TET1: variants seen among roughly 807,000 people sequenced by gnomAD.
TET1 encodes tet methylcytosine dioxygenase 1, also known as methylcytosine dioxygenase TET1.
In TET1, 13 loss-of-function variants were observed where a neutral mutation model predicts 148.7. That is an observed-to-expected ratio of 0.09 (90% confidence interval 0.06 to 0.14). The LOEUF is 0.14. Ranked by LOEUF, TET1 falls within the 10% of genes least tolerant of loss-of-function variation. The pLI, the probability that TET1 is intolerant of heterozygous loss-of-function variation, is 1.00. For missense variants in TET1, 2,182 were observed against 2,553.8 expected, an observed-to-expected ratio of 0.85 and a Z score of 3.14; for synonymous variants, 907 against 937.2, an observed-to-expected ratio of 0.97 and a Z score of 0.59.
In TET1 at chr10:68,686,574, G is replaced by A. The variant is rs2055513563; in HGVS notation, c.5271G>A (p.Lys1757=). The change falls in exon 11 of 12, where the codon AAG becomes AAA. Residue 1757 remains lysine, a synonymous_variant. Transcript: ENST00000373644. ...FTQPVPRSGK[K]RAAMMTEVLA... is the part of the protein sequence containing the mutation. ...AGCCTGTTCCCCGTTCTGGAAAGAA[G>A]AGGGCTGCGATGATGACAGAGGTTC... is the stretch of plus-strand genomic sequence containing the variant. 6.2e-7 allele frequency: 1 copy of A among 1,614,198 alleles called. No homozygotes were observed.
chr10:68,581,190 C>A (rs1049033762), intron 2 of TET1, among the ~76,000 whole-genome samples: 1 of 152,076 alleles, frequency 6.6e-6, no homozygotes, highest in African/African-American at 2.4e-5. Context: ...ATGTAATCTT[C>A]TGAGAGGTAT....
At chr10:68,588,076 G>A (rs186681033) in intron 2 of TET1, among the ~76,000 whole-genome samples, 108 of 152,060 alleles carry the variant, frequency 7.1e-4, no homozygotes, top group Admixed American at 1.7e-3. Context: ...TTGGTCAGGC[G>A]GGTCTTGAAC....
chr10:68,673,698 AC>A (rs1444950291), intron 8 of TET1, among the ~76,000 whole-genome samples: 1 of 152,044 alleles, frequency 6.6e-6, no homozygotes, highest in African/African-American at 2.4e-5. Flanking sequence ...ATATTGATTA[AC>A]TATAAGATTG....
chr10:68,631,311 C>T (rs913821824), intron 3 of TET1, among the ~76,000 whole-genome samples: 2 of 151,840 alleles, frequency 1.3e-5, no homozygotes, highest in African/African-American at 4.8e-5. Flanking sequence ...TGTAGTAGAT[C>T]GAAGAGTGCA....
At chr10:68,561,947 C>A (rs181561480) in intron 1 of TET1, among the ~76,000 whole-genome samples, 64 of 152,280 alleles carry the variant, frequency 4.2e-4, no homozygotes, top group African/African-American at 1.5e-3. Context: ...AATTAACCAA[C>A]CTTTCTGCAT....
chr10:68,606,884 C>T (rs1200148752), intron 3 of TET1, among the ~76,000 whole-genome samples: 1 of 152,186 alleles, frequency 6.6e-6, no homozygotes, highest in African/African-American at 2.4e-5. Context: ...CGTGTGCTCA[C>T]CCATCAGTGT....
At chr10:68,621,697 A>G (rs982576980) in intron 3 of TET1, among the ~76,000 whole-genome samples, 11 of 152,110 alleles carry the variant, frequency 7.2e-5, no homozygotes, top group Non-Finnish European at 1.5e-4. Flanking sequence ...TGCATTTTCA[A>G]TTTTTTTCTG....
At chr10:68,647,864 G>T (rs2054875252) in intron 4 of TET1, among the ~76,000 whole-genome samples, 1 of 152,126 alleles carries the variant, frequency 6.6e-6, no homozygotes, top group Non-Finnish European at 1.5e-5. Flanking sequence ...TCCAGTACAA[G>T]ATCTAATACT....
chr10:68,601,075 A>G (rs565395454), intron 3 of TET1, 41 bp downstream of exon 3: 1 of 1,542,244 alleles, frequency 6.5e-7, no homozygotes, highest in Admixed American at 2.0e-5. Context: ...TTATTTTTCC[A>G]TTTCATATAG....
Position 68,681,501 on chromosome 10 carries a change from A to G in TET1, c.4914+13A>G, listed in dbSNP as rs1366966535. The stretch of plus-strand genomic sequence containing the variant: ...TTACCAAAATCAGGTATGTATTGGT[A>G]TGAACTTTTTATTTATTTATTAATT... On this transcript the variant is annotated intron_variant, in intron 9 of 11. Coordinates refer to ENST00000373644, the MANE Select transcript of TET1 (RefSeq NM_030625.3). 6.3e-7 allele frequency: 1 copy of G among 1,574,966 alleles called. No homozygotes were observed.
intron 3 of TET1, among the ~76,000 whole-genome samples, chr10:68,606,172 C>G (rs199901553): frequency 6.6e-6 from 1 of 151,482 alleles, no homozygotes; most frequent in East Asian, 2.1e-4. Context: ...TTCAAGACCA[C>G]CCTGGCCAAC....
intron 2 of TET1, 140 bp from the exon 3 acceptor site, chr10:68,600,841 T>G: frequency 1.4e-6 from 1 of 696,026 alleles, no homozygotes. Context: ...CATAAGCTCT[T>G]TAGGTTCTGC....
chr10:68,664,304 T>C (rs2055163911), intron 6 of TET1, among the ~76,000 whole-genome samples: 1 of 152,204 alleles, frequency 6.6e-6, no homozygotes, highest in African/African-American at 2.4e-5. Flanking sequence ...GTATATATTA[T>C]GCCAAATATA....
At chr10:68,688,222 C>T (rs896577068) in intron 11 of TET1, among the ~76,000 whole-genome samples, 27 of 151,880 alleles carry the variant, frequency 1.8e-4, no homozygotes, top group African/African-American at 5.6e-4. Flanking sequence ...CTCAGCCTCC[C>T]GAGTAGCTGG....
intron 3 of TET1, among the ~76,000 whole-genome samples, chr10:68,624,646 TTCTTTCTTTCTTTCTCTCTCTCTCTCTC>T (rs1389618204): frequency 3.0e-4 from 16 of 54,058 alleles, no homozygotes; most frequent in East Asian, 2.2e-3. Flanking sequence ...CTTTCTTTCT[TTCTTTCTTTCTTTCTCTCTCTCTCTCTC>T]TCTCTCTCTC....
At chr10:68,624,670 C>CTTTCTTTCTTTCTTTCTTTCTTTTTT (rs2054442785) in intron 3 of TET1, among the ~76,000 whole-genome samples, 8 of 84,084 alleles carry the variant, frequency 9.5e-5, no homozygotes, top group African/African-American at 3.9e-4. Context: ...CTCTCTCTCT[C>CTTTCTTTCTTTCTTTCTTTCTTTTTT]TCTCTCTCTC....
At position 68,673,117 on chromosome 10, in the gene TET1, C is replaced by T. The variant is rs962741252; in HGVS notation, c.4824+72C>T. The stretch of plus-strand genomic sequence containing the variant: ...TGAATATGTAAGTGCATTCCTTTAA[C>T]ATTTTTTGAAACACTATAAAAACTA... On this transcript the variant is annotated intron_variant, in intron 8 of 11. Transcript: ENST00000373644. The T allele has an allele frequency of 3.7e-6, 5 of 1,358,826 alleles. No individual in the cohort carries two copies. The Admixed American group carries it at 1.1e-4, about 30-fold the overall frequency. 84.2% of individuals were successfully genotyped at this position (1,358,826 alleles called of 1,614,324 possible).
At chr10:68,580,313 A>ATTTT (rs1163318028) in intron 2 of TET1, among the ~76,000 whole-genome samples, 684 of 60,460 alleles carry the variant, frequency 0.011, 39 homozygotes, top group Middle Eastern at 0.022. Flanking sequence ...ATTATATTCA[A>ATTTT]TTTTTTTTTT....
At chr10:68,590,810 T>C (rs2053910111) in intron 2 of TET1, among the ~76,000 whole-genome samples, 1 of 152,004 alleles carries the variant, frequency 6.6e-6, no homozygotes, top group Non-Finnish European at 1.5e-5. Context: ...TAAATAAATA[T>C]TTAAAAAATA....
Sources: gnomAD v4.1 joint callset for allele counts (sites outside exome capture counted in the v4.1 genomes callset) on GRCh38, gnomAD v4.1.1 for gene constraint, MANE v1.5 for transcripts, NCBI Gene and HGNC (gene_info 2026-07-23, HGNC 2026-07-21) for gene names.